NEBL: variants seen among roughly 807,000 people sequenced by gnomAD.
The protein encoded by NEBL is nebulette, also known as LIM and SH3 protein 2.
NEBL carries 122 observed loss-of-function variants against 140.2 expected under a neutral mutation model. The observed-to-expected ratio is 0.87, with a 90% CI of 0.75 to 1.01. NEBL has a LOEUF of 1.01. Ranked by LOEUF, NEBL falls within the 50% of genes least tolerant of loss-of-function variation. The probability of loss-of-function intolerance (pLI) is 0.00; values close to 1 mark genes in which losing one functional copy is unlikely to be tolerated. For synonymous variants in NEBL, 436 were observed against 398.9 expected (o/e 1.09, Z -1.11); for missense variants, 1,365 against 1,231.3 (o/e 1.11, Z -1.62).
chr10:21,096,987 TA>T (rs890105913), intron 2 of NEBL, among the ~76,000 whole-genome samples: 16 of 146,808 alleles, frequency 1.1e-4, no homozygotes, highest in South Asian at 6.4e-4. Context: ...AAGGCATCCT[TA>T]AAAAAAAAAG....
intron 2 of NEBL, among the ~76,000 whole-genome samples, chr10:21,076,357 A>C (rs753398660): frequency 2.0e-5 from 3 of 148,572 alleles, no homozygotes; most frequent in Non-Finnish European, 4.5e-5. Context: ...AGGCAGGAGA[A>C]TCGCTTGAAC....
In NEBL at chr10:20,831,258, G is replaced by T. The variant is rs751229267; in HGVS notation, c.1609C>A (p.Gln537Lys). The part of the protein sequence containing the change: ...LENEIKGKGM[Q>K]VSMDIPDILR... ...ATATCTGGGATATCCATGCTCACTT[G>T]CATTCCTTTCCCTTTAATTTCATTT... The change falls in exon 16 of 28, where the codon CAA becomes AAA. Residue 537 changes from glutamine to lysine, a missense_variant. This residue lies in a region of NEBL where 1,323 missense variants were observed against 1,154.8 expected (regional missense o/e 1.15). Transcript: ENST00000377122. 29 of 1,613,266 alleles carry T rather than the reference G, an allele frequency of 1.8e-5. No homozygotes were observed.
intron 4 of NEBL, among the ~76,000 whole-genome samples, chr10:20,902,708 T>C (rs1847923973): frequency 6.6e-6 from 1 of 152,024 alleles, no homozygotes; most frequent in Non-Finnish European, 1.5e-5. Context: ...ATTAGTTCAG[T>C]TTTCATAGCA....
chr10:20,938,061 T>C (rs1264236969), intron 4 of NEBL, among the ~76,000 whole-genome samples: 1 of 152,178 alleles, frequency 6.6e-6, no homozygotes, highest in African/African-American at 2.4e-5. Context: ...CAGACTTAAA[T>C]GTCCCTGTCT....
chr10:21,022,450 G>A (rs1341925318), intron 2 of NEBL, among the ~76,000 whole-genome samples: 2 of 152,174 alleles, frequency 1.3e-5, no homozygotes, highest in South Asian at 4.2e-4. Flanking sequence ...TAGCTCCCAC[G>A]GAGTCAGATT....
chr10:21,013,587 TAATA>T (rs2131746568), intron 3 of NEBL, among the ~76,000 whole-genome samples: 1 of 152,212 alleles, frequency 6.6e-6, no homozygotes, highest in African/African-American at 2.4e-5. Context: ...AGATAAGACA[TAATA>T]AGAGGGCCAG....
intron 13 of NEBL, among the ~76,000 whole-genome samples, chr10:20,840,429 G>A (rs557106850): frequency 1.3e-5 from 2 of 152,094 alleles, no homozygotes; most frequent in African/African-American, 4.8e-5. Context: ...AGTTACTGAT[G>A]GACCATAATA....
Position 20,788,765 on chromosome 10 carries a change from A to G in NEBL, c.2762-1457T>C, listed in dbSNP as rs117094896. ...TATCAACAAAATTTAAATATTTGAT[A>G]TCAACAGATGTTAAAGATATTGTCA... On this transcript the variant is annotated intron_variant, in intron 26 of 27. Transcript: ENST00000377122. 2.0e-3 allele frequency among the ~76,000 whole-genome samples: 308 copies of G among 152,328 alleles called. 9 individuals carry two copies. In the East Asian group the frequency reaches 0.05, roughly 25 times the overall value.
At chr10:21,137,363 A>G (rs1440544799) in intron 2 of NEBL, among the ~76,000 whole-genome samples, 1 of 152,224 alleles carries the variant, frequency 6.6e-6, no homozygotes, top group Non-Finnish European at 1.5e-5. Context: ...CTATTCTTGC[A>G]TGCTTAGTCT....
chr10:20,832,427 G>GTT (rs143403054), intron 14 of NEBL, among the ~76,000 whole-genome samples: 2 of 148,558 alleles, frequency 1.3e-5, no homozygotes, highest in Non-Finnish European at 1.5e-5. Context: ...AGTTATCTCT[G>GTT]TTTTTTTTTT....
chr10:20,881,327 A>G (rs557117909), intron 4 of NEBL, among the ~76,000 whole-genome samples: 10 of 152,354 alleles, frequency 6.6e-5, no homozygotes, highest in South Asian at 6.2e-4. Flanking sequence ...AGGCACAGCT[A>G]TAAGATAATA....
intron 25 of NEBL, among the ~76,000 whole-genome samples, chr10:20,808,951 T>C (rs774362580): frequency 2.6e-5 from 4 of 152,186 alleles, no homozygotes; most frequent in Non-Finnish European, 5.9e-5. Flanking sequence ...TTTTTGTTAA[T>C]TGTAATGCCT....
At chr10:21,273,423 C>T (rs1410359091) in intron 1 of NEBL, among the ~76,000 whole-genome samples, 1 of 152,156 alleles carries the variant, frequency 6.6e-6, no homozygotes, top group African/African-American at 2.4e-5. Flanking sequence ...GAGGGTATTC[C>T]AAGTCTAGGG....
At chr10:21,113,290 TAA>T (rs56366013) in intron 2 of NEBL, 644 of 123,026 alleles carry the variant, frequency 5.2e-3, no homozygotes, top group South Asian at 0.01. Flanking sequence ...ATGAGAATCC[TAA>T]AAAAAAAAAA....
chr10:21,119,008 G>A (rs545662549), intron 2 of NEBL, among the ~76,000 whole-genome samples: 2 of 152,230 alleles, frequency 1.3e-5, no homozygotes, highest in East Asian at 3.9e-4. Flanking sequence ...TGCAACATGA[G>A]AAAGCTAATA....
At chr10:21,088,377 C>T (rs377465213) in intron 2 of NEBL, among the ~76,000 whole-genome samples, 4 of 152,020 alleles carry the variant, frequency 2.6e-5, no homozygotes, top group East Asian at 1.9e-4. Context: ...GTCCCAGTTA[C>T]GCAGGAGGCT....
At chr10:21,055,409 C>G (rs1834969538) in intron 2 of NEBL, among the ~76,000 whole-genome samples, 1 of 152,150 alleles carries the variant, frequency 6.6e-6, no homozygotes. Context: ...TCTGTGGCAT[C>G]AAAGCCACAG....
At chr10:21,184,408 G>C (rs1327030157) in intron 3 of NEBL, among the ~76,000 whole-genome samples, 1 of 152,214 alleles carries the variant, frequency 6.6e-6, no homozygotes, top group Non-Finnish European at 1.5e-5. Context: ...CATCAAACAA[G>C]CATGGAGCCT....
chr10:20,803,963 T>G (rs1434245235), intron 26 of NEBL, among the ~76,000 whole-genome samples: 1 of 151,334 alleles, frequency 6.6e-6, no homozygotes, highest in Non-Finnish European at 1.5e-5. Flanking sequence ...AAGAGAATTT[T>G]ATTTTATAAA....
Sources: gnomAD v4.1 joint callset for allele counts (sites outside exome capture counted in the v4.1 genomes callset) on GRCh38, gnomAD v4.1.1 for gene constraint, gnomAD v4.1.1 regional missense constraint, MANE v1.5 for transcripts, NCBI Gene and HGNC (gene_info 2026-07-23, HGNC 2026-07-21) for gene names.